The following PPP1R8 variants were observed in gnomAD, a reference collection of about 807,000 sequenced individuals.
PPP1R8 encodes the protein protein phosphatase 1 regulatory subunit 8.
PPP1R8 carries 4 observed loss-of-function variants against 31.3 expected under a neutral mutation model. That is an observed-to-expected ratio of 0.13 (90% CI 0.06 to 0.29). The LOEUF (loss-of-function observed/expected upper bound fraction) is 0.29, where lower values mean the gene tolerates loss of function less well. Among genes scored for constraint, PPP1R8 ranks in the 10% least tolerant of loss-of-function variants. PPP1R8 has a pLI of 1.00. For missense variants in PPP1R8, 254 were observed against 440.1 expected, an observed-to-expected ratio of 0.58 and a Z score of 3.78; for synonymous variants, 170 against 169.7, an observed-to-expected ratio of 1.00 and a Z score of -0.01.
intron 5 of PPP1R8, among the ~76,000 whole-genome samples, chr1:27,846,725 G>T (rs2089284793): frequency 6.6e-6 from 1 of 152,172 alleles, no homozygotes; most frequent in Non-Finnish European, 1.5e-5. Context: ...CAGATCACAG[G>T]CCTGTTTTGA....
chr1:27,836,297 A>G (rs544136903), intron 2 of PPP1R8, among the ~76,000 whole-genome samples: 16 of 152,366 alleles, frequency 1.1e-4, no homozygotes, highest in African/African-American at 3.6e-4. Flanking sequence ...GCAATAATTC[A>G]TCTAGAGTCC....
intron 1 of PPP1R8, chr1:27,831,327 C>A (rs980528583): frequency 2.0e-6 from 2 of 993,108 alleles, no homozygotes; most frequent in African/African-American, 3.5e-5. Flanking sequence ...TGCTGCATCC[C>A]TCGTGCGGCA....
chr1:27,850,682 C>G lies in PPP1R8; in HGVS notation c.*236C>G, dbSNP rs1288858590. The G allele has an allele frequency of 2.2e-6, 1 of 454,604 alleles. No homozygotes were observed. The highest frequency in any genetic ancestry group is 1.9e-5 in the African/African-American group (1 of 51,582). 28.2% of individuals were successfully genotyped at this position (454,604 alleles called of 1,614,324 possible). A position where few individuals can be genotyped will look rare whatever the true frequency, so the allele number is the denominator to read the frequency against. On this transcript the variant is annotated 3_prime_UTR_variant, in exon 7 of 7. Coordinates refer to ENST00000311772, the MANE Select transcript of PPP1R8 (RefSeq NM_014110.5). ...GGCTTCTTATATCCTTTTCAATAGA[C>G]TGCCCTGGCTCTTTCCTAGGCCTTC...
chr1:27,839,052 C>T (rs1454959972), intron 3 of PPP1R8, among the ~76,000 whole-genome samples, 200 bp downstream of exon 3: 1 of 152,106 alleles, frequency 6.6e-6, no homozygotes, highest in Non-Finnish European at 1.5e-5. Context: ...TTGGGGAGCA[C>T]TGTCCTGGAG....
intron 1 of PPP1R8, among the ~76,000 whole-genome samples, chr1:27,831,600 T>C (rs2089108366): frequency 1.3e-5 from 2 of 152,216 alleles, no homozygotes; most frequent in African/African-American, 2.4e-5. Flanking sequence ...GTATTGTTTG[T>C]TGCTTGTCTC....
In PPP1R8 at chr1:27,845,783, CTTTTTTTTTTTTTT is replaced by C. The variant is rs773994854; in HGVS notation, c.638-1234_638-1221del. Among the ~76,000 whole-genome samples, 4 of 91,818 alleles carry C rather than the reference CTTTTTTTTTTTTTT, an allele frequency of 4.4e-5. No homozygotes were observed. The South Asian group carries it at 1.2e-3, about 27-fold the overall frequency. The allele number at this position is 91,818 out of a possible 152,430, so 60.2% of individuals were successfully genotyped here. A position where few individuals can be genotyped will look rare whatever the true frequency, so the allele number is the denominator to read the frequency against. On this transcript the variant is annotated intron_variant, in intron 5 of 6. Transcript: ENST00000311772. Reference sequence around the variant, plus strand: ...GGAGTTTTTCTTTCTTTCTTTCTTTCTTTTTTTTTTTTTTTTTTTTTTTTGAGACGGAGTCTCCT... The same window carrying C: ...GGAGTTTTTCTTTCTTTCTTTCTTTCTTTTTTTTTTGAGACGGAGTCTCCT...
intron 2 of PPP1R8, chr1:27,834,510 G>A (rs745362100): frequency 3.9e-6 from 2 of 518,882 alleles, no homozygotes; most frequent in Non-Finnish European, 7.7e-6. Flanking sequence ...AAAGCCATGA[G>A]TCTTTTAAGC....
At chr1:27,830,988 G>T in intron 1 of PPP1R8, 97 bp downstream of exon 1, 1 of 1,450,312 alleles carries the variant, frequency 6.9e-7, no homozygotes, top group South Asian at 1.5e-5. Flanking sequence ...CGAGCCGAAC[G>T]GCTCAGAAAC....
At chr1:27,839,233 A>C (rs1452561949) in intron 3 of PPP1R8, among the ~76,000 whole-genome samples, 1 of 152,166 alleles carries the variant, frequency 6.6e-6, no homozygotes, top group African/African-American at 2.4e-5. Flanking sequence ...TTAAAAACAA[A>C]CAACCAAAAA....
intron 1 of PPP1R8, chr1:27,831,105 G>A (rs2089098593): frequency 7.4e-7 from 1 of 1,355,592 alleles, no homozygotes; most frequent in Non-Finnish European, 9.5e-7. Flanking sequence ...CCGGGGTTGG[G>A]GGCTCAAAGG....
At chr1:27,842,038 C>T (rs185292540) in intron 4 of PPP1R8, among the ~76,000 whole-genome samples, 87 of 152,214 alleles carry the variant, frequency 5.7e-4, no homozygotes, top group Non-Finnish European at 9.4e-4. Context: ...AAGAAAAGCA[C>T]GATAGAAATT....
chr1:27,845,779 CTTTCTTTTTTTTTTTT>C lies in PPP1R8; in HGVS notation c.638-1245_638-1230del, dbSNP rs1241108549. Reference sequence around the variant, plus strand: ...TCTGGGAGTTTTTCTTTCTTTCTTTCTTTCTTTTTTTTTTTTTTTTTTTTTTTTGAGACGGAGTCTC... The same window carrying C: ...TCTGGGAGTTTTTCTTTCTTTCTTTCTTTTTTTTTTTTGAGACGGAGTCTC... On this transcript the variant is annotated intron_variant, in intron 5 of 6. Coordinates refer to ENST00000311772, the MANE Select transcript of PPP1R8 (RefSeq NM_014110.5). Among the ~76,000 whole-genome samples, 4 of 123,934 alleles carry C rather than the reference CTTTCTTTTTTTTTTTT, an allele frequency of 3.2e-5. No homozygotes were observed. In the East Asian group the frequency reaches 7.2e-4, roughly 22 times the overall value. The allele number at this position is 123,934 out of a possible 152,430, so 81.3% of individuals were successfully genotyped here.
chr1:27,844,699 A>ATTTT (rs2089255599), intron 5 of PPP1R8, among the ~76,000 whole-genome samples: 1 of 117,802 alleles, frequency 8.5e-6, no homozygotes, highest in African/African-American at 3.7e-5. Context: ...GACTAGACAA[A>ATTTT]TTTCTTTTTT....
intron 5 of PPP1R8, among the ~76,000 whole-genome samples, chr1:27,845,178 C>G (rs1363989825): frequency 6.8e-5 from 10 of 147,824 alleles, no homozygotes; most frequent in African/African-American, 2.5e-4. Context: ...ATCACGAGAT[C>G]AGGAGATCAA....
chr1:27,850,482 G>GTCTGGGGTGGTTTGGGGGGGC lies in PPP1R8; in HGVS notation c.*36_*37insTCTGGGGTGGTTTGGGGGGGC. ...CATGGAGAAGGGTGGGATTGGGTGG[G>GTCTGGGGTGGTTTGGGGGGGC]AATGGGGTGGAAGGGTGATGGGGAG... On this transcript the variant is annotated 3_prime_UTR_variant, in exon 7 of 7. Coordinates refer to ENST00000311772, the MANE Select transcript of PPP1R8 (RefSeq NM_014110.5). The GTCTGGGGTGGTTTGGGGGGGC allele has an allele frequency of 2.0e-6, 1 of 511,100 alleles. No individual in the cohort carries two copies. The highest frequency in any genetic ancestry group is 4.4e-5 in the East Asian group (1 of 22,560). 31.7% of individuals were successfully genotyped at this position (511,100 alleles called of 1,614,324 possible).
intron 4 of PPP1R8, among the ~76,000 whole-genome samples, chr1:27,842,555 T>C (rs2089233701): frequency 6.6e-6 from 1 of 152,102 alleles, no homozygotes; most frequent in Non-Finnish European, 1.5e-5. Context: ...AACTTGTGGT[T>C]TGTACCAGAA....
chr1:27,850,248 C>T lies in PPP1R8; in HGVS notation c.858C>T (p.Leu286=). The change falls in exon 7 of 7, where the codon CTC becomes CTT. Residue 286 remains leucine, a synonymous_variant. Coordinates refer to ENST00000311772, the MANE Select transcript of PPP1R8 (RefSeq NM_014110.5). ...CACATGGCATCCATGGGACAGCACT[C>T]ATCGGTGGCTTGCCCATGCCATACC... The part of the protein sequence containing the change: ...SQPHGIHGTA[L]IGGLPMPYPN... 1 of 1,614,268 alleles carries T rather than the reference C, an allele frequency of 6.2e-7. No homozygotes were observed. The highest frequency in any genetic ancestry group is 8.5e-7 in the Non-Finnish European group (1 of 1,180,046).
chr1:27,834,784 G>A (rs188922797), intron 2 of PPP1R8, among the ~76,000 whole-genome samples: 1 of 152,172 alleles, frequency 6.6e-6, no homozygotes, highest in African/African-American at 2.4e-5. Flanking sequence ...TTGGGAGGCC[G>A]AGGCGGGCAG....
intron 1 of PPP1R8, 111 bp downstream of exon 1, chr1:27,831,002 G>C (rs372361653): frequency 1.0e-5 from 15 of 1,432,446 alleles, no homozygotes; most frequent in Middle Eastern, 1.8e-4. Flanking sequence ...CAGAAACCCC[G>C]GAATGGTTGA....
Sources: gnomAD v4.1 joint callset for allele counts (sites outside exome capture counted in the v4.1 genomes callset) on GRCh38, gnomAD v4.1.1 for gene constraint, MANE v1.5 for transcripts, NCBI Gene and HGNC (gene_info 2026-07-23, HGNC 2026-07-21) for gene names.